The following MACROD2 variants were observed in gnomAD, a reference collection of about 807,000 sequenced individuals.
MACROD2 encodes the protein ADP-ribose glycohydrolase MACROD2.
A neutral mutation model predicts 70.4 loss-of-function variants in MACROD2; 36 were observed. The ratio of observed to expected loss-of-function variants is 0.51; its 90% CI spans 0.39 to 0.68. The LOEUF is 0.68. Among genes scored for constraint, MACROD2 ranks in the 30% least tolerant of loss-of-function variants. MACROD2 has a pLI of 0.00. For synonymous variants in MACROD2, 172 were observed against 178.8 expected (o/e 0.96, Z 0.30); for missense variants, 496 against 538.4 (o/e 0.92, Z 0.78).
chr20:14,331,656 A>G (rs2082843671), intron 3 of MACROD2, among the ~76,000 whole-genome samples: 1 of 152,108 alleles, frequency 6.6e-6, no homozygotes, highest in Admixed American at 6.6e-5. Flanking sequence ...ACTACGTTTT[A>G]TATCTTCTCT....
chr20:14,566,785 G>C (rs1979836354), intron 4 of MACROD2: 1 of 151,830 alleles, frequency 6.6e-6, no homozygotes, highest in Non-Finnish European at 1.5e-5. Flanking sequence ...AACTCTAAAG[G>C]GCTATTTTCC....
chr20:14,347,426 G>C (rs1461672080), intron 3 of MACROD2, among the ~76,000 whole-genome samples: 1 of 152,132 alleles, frequency 6.6e-6, no homozygotes, highest in Non-Finnish European at 1.5e-5. Context: ...TCGATGTAAT[G>C]AGACTAGTAT....
At chr20:15,661,042 T>C (rs61276458) in intron 8 of MACROD2, among the ~76,000 whole-genome samples, 2,526 of 152,316 alleles carry the variant, frequency 0.017, 77 homozygotes, top group African/African-American at 0.056. Flanking sequence ...AGATTCCAAC[T>C]GGTCTCTTAC....
intron 15 of MACROD2, among the ~76,000 whole-genome samples, chr20:16,003,045 C>A (rs1035195913): frequency 2.7e-5 from 4 of 150,552 alleles, no homozygotes; most frequent in African/African-American, 9.8e-5. Context: ...GGGGCTGGGG[C>A]ACAAACAAAA....
At chr20:15,083,111 C>T (rs1343151636) in intron 5 of MACROD2, among the ~76,000 whole-genome samples, 1 of 152,164 alleles carries the variant, frequency 6.6e-6, no homozygotes, top group Admixed American at 6.6e-5. Flanking sequence ...ACAATGGCCT[C>T]TAGTTCTACC....
Position 14,326,811 on chromosome 20 carries a change from C to T in MACROD2, c.272-166668C>T. The T allele has an allele frequency of 6.2e-7, 1 of 1,613,776 alleles. No homozygotes were observed. The highest frequency in any genetic ancestry group is 8.5e-7 in the Non-Finnish European group (1 of 1,179,810). ...GTGCAGCAGTCAGGGAATTCCGCAC[C>T]AGGGACAGCTCTGTCAAATTAACTA... On this transcript the variant is annotated intron_variant, in intron 3 of 17. Transcript: ENST00000684519. This position sits in a 1 kb window ranked among gnomAD's most constrained non-coding sequence, Gnocchi z 5.5.
intron 3 of MACROD2, among the ~76,000 whole-genome samples, chr20:14,228,094 G>A (rs574726026): frequency 1.0e-3 from 156 of 152,016 alleles, no homozygotes; most frequent in Middle Eastern, 3.4e-3. Context: ...GAAATAAACT[G>A]AAGTGCTTAG....
intron 5 of MACROD2, among the ~76,000 whole-genome samples, chr20:14,702,984 T>C (rs999021837): frequency 6.6e-6 from 1 of 151,918 alleles, no homozygotes; most frequent in East Asian, 1.9e-4. Flanking sequence ...CGCCTTGGTC[T>C]CCCAAAGTGC....
chr20:15,932,559 AT>A (rs1568650244), intron 10 of MACROD2, among the ~76,000 whole-genome samples: 1 of 152,030 alleles, frequency 6.6e-6, no homozygotes, highest in African/African-American at 2.4e-5. Flanking sequence ...TATTTGCTTC[AT>A]TTTCCAAACC....
chr20:14,410,674 A>G (rs1202128014), intron 3 of MACROD2, among the ~76,000 whole-genome samples: 1 of 152,136 alleles, frequency 6.6e-6, no homozygotes, highest in Non-Finnish European at 1.5e-5. Context: ...GTTGCCTCCC[A>G]TTTGGGATAA....
Position 15,181,056 on chromosome 20 carries a change from A to G in MACROD2, c.419-48884A>G, listed in dbSNP as rs188756199. Among the ~76,000 whole-genome samples the G allele has an allele frequency of 6.6e-5, 10 of 152,266 alleles. No individual in the cohort carries two copies. The East Asian group carries it at 1.2e-3, about 18-fold the overall frequency. On this transcript the variant is annotated intron_variant, in intron 5 of 17. Transcript: ENST00000684519. ...TGTTTTTCATTACAGTTGTCCCTCTATATACAGGGGGACCTTGACCACACC... is the reference window on the plus strand; with the variant it reads ...TGTTTTTCATTACAGTTGTCCCTCTGTATACAGGGGGACCTTGACCACACC...
At chr20:14,218,348 G>C (rs1460010566) in intron 3 of MACROD2, among the ~76,000 whole-genome samples, 1 of 152,070 alleles carries the variant, frequency 6.6e-6, no homozygotes, top group Admixed American at 6.6e-5. Context: ...CTCACTTTTG[G>C]TGTCCATTTT....
At chr20:15,401,861 A>T (rs1394234512) in intron 6 of MACROD2, among the ~76,000 whole-genome samples, 1 of 152,206 alleles carries the variant, frequency 6.6e-6, no homozygotes, top group African/African-American at 2.4e-5. Context: ...GATCCCAGTG[A>T]TGGATAGTTG....
intron 5 of MACROD2, among the ~76,000 whole-genome samples, chr20:15,001,873 C>T (rs2074997984): frequency 6.6e-6 from 1 of 151,938 alleles, no homozygotes; most frequent in African/African-American, 2.4e-5. Flanking sequence ...CTCATCCTTT[C>T]CCCCAAGTCC....
In MACROD2 at chr20:16,051,726, A is replaced by G. The variant is rs2067460810; in HGVS notation, c.*1850A>G. 6.6e-6 allele frequency: 1 copy of G among 152,200 alleles called. No individual in the cohort carries two copies. The highest frequency in any genetic ancestry group is 6.5e-5 in the Admixed American group (1 of 15,270). The allele number at this position is 152,200 out of a possible 1,614,324, so 9.4% of individuals were successfully genotyped here. ...CATTTCATGCCATCTTTATAACTCA[A>G]TTGAAAGTTGCCGTCATTCTTGTGA... On this transcript the variant is annotated 3_prime_UTR_variant, in exon 18 of 18. Coordinates refer to ENST00000684519, the MANE Select transcript of MACROD2 (RefSeq NM_001351661.2).
At chr20:14,469,860 A>G (rs1420161141) in intron 3 of MACROD2, among the ~76,000 whole-genome samples, 4 of 151,706 alleles carry the variant, frequency 2.6e-5, no homozygotes, top group East Asian at 2.0e-4. Flanking sequence ...GCTTCCTTGT[A>G]TTAGGTTAGA....
At chr20:15,861,805 G>T (rs1040620755) in intron 8 of MACROD2, among the ~76,000 whole-genome samples, 3 of 152,132 alleles carry the variant, frequency 2.0e-5, no homozygotes, top group Non-Finnish European at 4.4e-5. Context: ...TTCCATGGGG[G>T]TTCTTTCTTG....
At chr20:14,296,751 T>C (rs916100171) in intron 3 of MACROD2, among the ~76,000 whole-genome samples, 1 of 152,054 alleles carries the variant, frequency 6.6e-6, no homozygotes, top group Admixed American at 6.6e-5. Context: ...CTTGCAGTGT[T>C]CTTTGCCTTC....
At chr20:14,299,148 G>T (rs866737512) in intron 3 of MACROD2, among the ~76,000 whole-genome samples, 2 of 152,270 alleles carry the variant, frequency 1.3e-5, no homozygotes. Context: ...TGTGAAAGGA[G>T]GAGTCAATTA....
Sources: gnomAD v4.1 joint callset for allele counts (sites outside exome capture counted in the v4.1 genomes callset) on GRCh38, gnomAD v4.1.1 for gene constraint, Gnocchi (gnomAD v3.1) non-coding constraint, MANE v1.5 for transcripts, NCBI Gene and HGNC (gene_info 2026-07-23, HGNC 2026-07-21) for gene names.